Variants in EPHA6 observed in about 807,000 individuals in gnomAD.
The protein encoded by EPHA6 is ephrin type-A receptor 6.
EPHA6 carries 50 observed loss-of-function variants against 112.0 expected under a neutral mutation model. The ratio of observed to expected loss-of-function variants is 0.45; its 90% CI spans 0.36 to 0.56. EPHA6 has a LOEUF of 0.56. Ranked by LOEUF, EPHA6 falls within the 20% of genes least tolerant of loss-of-function variation. The pLI is 0.00. For missense variants in EPHA6, 1,280 were observed against 1,417.4 expected (o/e 0.90, Z 1.56); for synonymous variants, 529 against 490.7 (o/e 1.08, Z -1.03).
intron 3 of EPHA6, among the ~76,000 whole-genome samples, chr3:97,022,127 G>A (rs773282490): frequency 1.3e-5 from 2 of 152,106 alleles, no homozygotes; most frequent in Non-Finnish European, 2.9e-5. Context: ...ATTTCTGAAT[G>A]TGTCCTTTCT....
chr3:97,584,872 C>T (rs549250700), intron 11 of EPHA6, among the ~76,000 whole-genome samples: 3 of 152,284 alleles, frequency 2.0e-5, no homozygotes, highest in South Asian at 4.1e-4. Flanking sequence ...TTATTATTAG[C>T]TCCACTTTTC....
chr3:97,648,644 T>C (rs1472872718), intron 14 of EPHA6: 1 of 1,089,422 alleles, frequency 9.2e-7, no homozygotes, highest in Non-Finnish European at 1.1e-6. Context: ...TGCTTAACCT[T>C]TTAGTAAAAC....
chr3:96,922,557 G>T (rs996205590), intron 2 of EPHA6, among the ~76,000 whole-genome samples: 3 of 152,206 alleles, frequency 2.0e-5, no homozygotes, highest in African/African-American at 7.2e-5. Context: ...GAATTAAAAT[G>T]TTATGATATC....
chr3:96,928,620 G>A (rs1371625091), intron 2 of EPHA6, among the ~76,000 whole-genome samples: 2 of 152,090 alleles, frequency 1.3e-5, no homozygotes, highest in East Asian at 3.9e-4. Flanking sequence ...GAGTTCTGTA[G>A]GTATCTAACA....
At chr3:97,025,114 A>G (rs751407816) in intron 3 of EPHA6, among the ~76,000 whole-genome samples, 10 of 152,168 alleles carry the variant, frequency 6.6e-5, no homozygotes, top group South Asian at 2.1e-4. Context: ...AAGCACTACA[A>G]TATAGGAGAG....
intron 3 of EPHA6, among the ~76,000 whole-genome samples, chr3:97,021,884 G>A (rs1023335202): frequency 2.0e-5 from 3 of 152,092 alleles, no homozygotes; most frequent in South Asian, 2.1e-4. Context: ...TCACATGGTC[G>A]ATGCCTTTTC....
chr3:97,272,306 GTGTGTGTGT>G (rs2079910808), intron 5 of EPHA6, among the ~76,000 whole-genome samples: 1 of 6,188 alleles, frequency 1.6e-4, no homozygotes, highest in African/African-American at 1.7e-4. Flanking sequence ...TCGTGTGTGT[GTGTGTGTGT>G]GTGTGTGTGT....
intron 3 of EPHA6, among the ~76,000 whole-genome samples, chr3:97,135,818 A>G (rs2075754534): frequency 6.6e-6 from 1 of 151,908 alleles, no homozygotes; most frequent in Non-Finnish European, 1.5e-5. Context: ...CTTTGAAGGA[A>G]ATTCAGGATA....
chr3:97,153,861 T>C (rs2076226371), intron 3 of EPHA6, among the ~76,000 whole-genome samples: 2 of 152,056 alleles, frequency 1.3e-5, no homozygotes, highest in Admixed American at 6.6e-5. Context: ...ACACTGATAC[T>C]TCCTAAAAAT....
chr3:97,654,491 A>T lies in EPHA6; in HGVS notation c.2784+16409A>T, dbSNP rs571664623. On this transcript the variant is annotated intron_variant, in intron 14 of 17. Coordinates refer to ENST00000389672, the MANE Select transcript of EPHA6 (RefSeq NM_001080448.3). ...AAAATAATTTTTAAAAGATAATCTC[A>T]GATAGTGATAAATATTGGATATACA... Among the ~76,000 whole-genome samples the T allele has an allele frequency of 5.7e-4, 87 of 152,106 alleles. 3 individuals are homozygous for T. The highest frequency in any genetic ancestry group is 5.6e-3 in the Admixed American group (86 of 15,230).
intron 2 of EPHA6, among the ~76,000 whole-genome samples, chr3:96,927,896 C>T (rs1362757636): frequency 1.3e-5 from 2 of 152,178 alleles, no homozygotes; most frequent in Non-Finnish European, 2.9e-5. Flanking sequence ...AATTTACTCA[C>T]AGTTCTGCAG....
chr3:97,064,263 T>G (rs561095633), intron 3 of EPHA6, among the ~76,000 whole-genome samples: 32 of 152,278 alleles, frequency 2.1e-4, no homozygotes, highest in African/African-American at 7.7e-4. Context: ...AATATGAATA[T>G]CAAGTTTTAT....
intron 11 of EPHA6, among the ~76,000 whole-genome samples, chr3:97,580,930 G>C (rs2093431576): frequency 6.6e-6 from 1 of 152,154 alleles, no homozygotes; most frequent in African/African-American, 2.4e-5. Flanking sequence ...TTATTACTTT[G>C]CTTCGAGGCC....
intron 5 of EPHA6, among the ~76,000 whole-genome samples, chr3:97,396,603 G>A (rs1303565611): frequency 6.6e-6 from 1 of 151,488 alleles, no homozygotes; most frequent in Non-Finnish European, 1.5e-5. Context: ...AGGAGAAAAT[G>A]TAGTAAAAAA....
In EPHA6 at chr3:97,687,975, G is replaced by T. The variant is rs116070927; in HGVS notation, c.2785-32286G>T. On this transcript the variant is annotated intron_variant, in intron 14 of 17. Coordinates refer to ENST00000389672, the MANE Select transcript of EPHA6 (RefSeq NM_001080448.3). ...GCCCTGGTTGGAAGTGACACATGTT[G>T]CTTCCCTTACATTCCATTGGCCAAC... 1.0e-3 allele frequency among the ~76,000 whole-genome samples: 158 copies of T among 152,318 alleles called. 1 individual carries two copies. Among genetic ancestry groups the T allele is most frequent in the African/African-American group, 3.7e-3 (153 of 41,564 alleles).
At chr3:97,295,018 G>A (rs980008502) in intron 5 of EPHA6, among the ~76,000 whole-genome samples, 2 of 152,014 alleles carry the variant, frequency 1.3e-5, no homozygotes, top group Non-Finnish European at 2.9e-5. Flanking sequence ...TTCTTTAATT[G>A]TCTTTGTTGA....
intron 6 of EPHA6, among the ~76,000 whole-genome samples, 181 bp downstream of exon 6, chr3:97,405,455 A>G (rs2087278430): frequency 6.6e-6 from 1 of 152,018 alleles, no homozygotes; most frequent in African/African-American, 2.4e-5. Flanking sequence ...TTATTGATTA[A>G]TTTATCTTGT....
At chr3:97,480,400 C>T (rs1004315190) in intron 9 of EPHA6, among the ~76,000 whole-genome samples, 8 of 151,992 alleles carry the variant, frequency 5.3e-5, no homozygotes, top group African/African-American at 1.9e-4. Context: ...TGTTTGTGTC[C>T]CTGGGTACTT....
intron 14 of EPHA6, among the ~76,000 whole-genome samples, chr3:97,655,869 C>T (rs1275857819): frequency 6.6e-6 from 1 of 151,854 alleles, no homozygotes; most frequent in Non-Finnish European, 1.5e-5. Flanking sequence ...AACAAACCTG[C>T]ACGTTGTGCA....
Sources: allele counts gnomAD v4.1 joint callset (sites outside exome capture counted in the v4.1 genomes callset), GRCh38; gene constraint gnomAD v4.1.1; transcripts MANE v1.5; gene names NCBI Gene and HGNC (gene_info 2026-07-23, HGNC 2026-07-21).